Variants in KLK12 observed in about 807,000 individuals in gnomAD.
The protein encoded by KLK12 is kallikrein-12.
In KLK12, 23 loss-of-function variants were observed where a neutral mutation model predicts 20.0. The ratio of observed to expected loss-of-function variants is 1.15; its 90% CI spans 0.83 to 1.63. KLK12 has a LOEUF of 1.63. KLK12 is among the 40% of genes most tolerant of loss of function. The pLI is 0.00. For synonymous variants in KLK12, 147 were observed against 141.9 expected (o/e 1.04, Z -0.25); for missense variants, 351 against 338.6 (o/e 1.04, Z -0.29).
At chr19:51,031,222 A>G (rs1440520282) in intron 4 of KLK12, among the ~76,000 whole-genome samples, 1 of 152,094 alleles carries the variant, frequency 6.6e-6, no homozygotes, top group Non-Finnish European at 1.5e-5. Context: ...AATGCCAGCT[A>G]CTGTGATCTT....
chr19:51,029,825 G>A (rs760314882), intron 5 of KLK12, among the ~76,000 whole-genome samples: 13 of 152,124 alleles, frequency 8.5e-5, no homozygotes, highest in Non-Finnish European at 1.3e-4. Context: ...CTGGGGCCCT[G>A]ACCAATGAGG....
chr19:51,030,894 A>C lies in KLK12; in HGVS notation c.485T>G (p.Leu162Arg), dbSNP rs1263827760. The C allele has an allele frequency of 6.2e-7, 1 of 1,614,032 alleles. No homozygotes were observed. The highest frequency in any genetic ancestry group is 1.3e-5 in the African/African-American group (1 of 74,964). Residue 162 changes from leucine (L) to arginine (R), a missense_variant, in exon 5 of 6, where the codon CTC becomes CGC. Leu to Arg is a moderately radical substitution (Grantham distance 102). Coordinates refer to ENST00000684732, the MANE Select transcript of KLK12 (RefSeq NM_001370125.1). ...GGCATGGGAGACGATGGAGAGGTTG[A>C]GGCACTGGAGCAGATCCGGGAATGG... is the stretch of plus-strand genomic sequence containing the variant. Reference protein sequence around the residue: ...RNPFPDLLQCLNLSIVSHATC... With the variant: ...RNPFPDLLQCRNLSIVSHATC...
chr19:51,030,689 C>T, intron 5 of KLK12, 99 bp downstream of exon 5: 1 of 1,526,164 alleles, frequency 6.6e-7, no homozygotes. Flanking sequence ...GCAGCATCCC[C>T]TTTCCCTGAT....
At chr19:51,034,453 A>G (rs769616409) in intron 2 of KLK12, 132 bp downstream of exon 2, 1 of 1,501,166 alleles carries the variant, frequency 6.7e-7, no homozygotes, top group Admixed American at 2.2e-5. Context: ...ATGGAGGCAC[A>G]GAGAAAGCCC....
At chr19:51,034,313 C>T (rs1177694330) in intron 2 of KLK12, 174 bp from the exon 3 acceptor site, 1 of 1,130,950 alleles carries the variant, frequency 8.8e-7, no homozygotes, top group African/African-American at 1.6e-5. Flanking sequence ...ACATCAAAGA[C>T]ACCCAGGGAG....
At position 51,031,966 on chromosome 19, in the gene KLK12, T is replaced by C; in HGVS notation, c.367A>G (p.Ser123Gly). 6.2e-7 allele frequency: 1 copy of C among 1,613,390 alleles called. No individual in the cohort carries two copies. Among genetic ancestry groups the C allele is most frequent in the Non-Finnish European group, 8.5e-7 (1 of 1,179,732 alleles). ...RLRLPVRVTS[S>G]VQPLPLPNDC... ...TTGGGCAGGGGCAGGGGTTGAACGCTGCTGGTTACGCGGACGGGCAGGCGC... is the reference window on the plus strand; with the variant it reads ...TTGGGCAGGGGCAGGGGTTGAACGCCGCTGGTTACGCGGACGGGCAGGCGC... Residue 123 changes from serine to glycine, a missense_variant, in exon 4 of 6, where the codon AGC (serine) becomes GGC (glycine). Transcript: ENST00000684732.
chr19:51,030,462 G>A (rs2091544812), intron 5 of KLK12, among the ~76,000 whole-genome samples: 1 of 151,752 alleles, frequency 6.6e-6, no homozygotes, highest in Admixed American at 6.6e-5. Flanking sequence ...CGATTCTCCT[G>A]CCTCAGCCTT....
Position 51,029,122 on chromosome 19 carries a change from T to C in KLK12, c.*180A>G. The C allele has an allele frequency of 6.2e-7, 1 of 1,606,050 alleles. No individual in the cohort carries two copies. Among genetic ancestry groups the C allele is most frequent in the South Asian group, 1.1e-5 (1 of 90,912 alleles). ...TCCTTCATTTATATTTATTCCAGAC[T>C]ATTGCACACTTCTCTCACCCCGCTC... On this transcript the variant is annotated 3_prime_UTR_variant, in exon 6 of 6. Coordinates refer to ENST00000684732, the MANE Select transcript of KLK12 (RefSeq NM_001370125.1).
intron 2 of KLK12, 97 bp from the exon 3 acceptor site, chr19:51,034,236 G>A: frequency 7.3e-7 from 1 of 1,371,306 alleles, no homozygotes; most frequent in Non-Finnish European, 1.0e-6. Flanking sequence ...AGGAGAGAGA[G>A]AGGAGAAAGA....
At chr19:51,033,380 C>A (rs758367402) in intron 3 of KLK12, among the ~76,000 whole-genome samples, 1 of 151,916 alleles carries the variant, frequency 6.6e-6, no homozygotes, top group Non-Finnish European at 1.5e-5. Flanking sequence ...CTTTGGGAGG[C>A]CAAGACGGGC....
In KLK12 at chr19:51,034,092, C is replaced by T; in HGVS notation, c.85G>A (p.Gly29Arg). ...TPKIFNGTEC[G>R]RNSQPWQVGL... ...ACCTGCCACGGCTGTGAGTTACGCC[C>T]ACACTCAGTGCCATTGAAAATCTTC... Residue 29 changes from glycine to arginine, a missense_variant, in exon 3 of 6, where the codon GGG becomes AGG. Transcript: ENST00000684732. 1 of 1,564,544 alleles carries T rather than the reference C, an allele frequency of 6.4e-7. No individual in the cohort carries two copies. The highest frequency in any genetic ancestry group is 8.7e-7 in the Non-Finnish European group (1 of 1,153,802).
chr19:51,032,028 G>T lies in KLK12; in HGVS notation c.305C>A (p.Ser102Ter). ...SVTHPGYLGA[S>*]TSHEHDLRLL... ...CCGGAGGTCGTGCTCGTGGCTCGTC[G>T]AGGCTCCCAGGTAGCCGGGATGGGT... is the stretch of plus-strand genomic sequence containing the variant. The change falls in exon 4 of 6, where the codon TCG becomes TAG. Residue 102 changes from serine to a stop codon, truncating the protein, a stop_gained. Transcript: ENST00000684732. LOFTEE classifies it high-confidence loss of function. The T allele has an allele frequency of 6.2e-7, 1 of 1,608,750 alleles. No homozygotes were observed.
In KLK12 at chr19:51,034,143, GAGAC is replaced by G. The variant is rs1460047064; in HGVS notation, c.38-8_38-5del. 41 of 1,551,948 alleles carry G rather than the reference GAGAC, an allele frequency of 2.6e-5. No homozygotes were observed. The East Asian group carries it at 6.1e-4, about 23-fold the overall frequency. On this transcript the variant is annotated splice_region_variant and splice_polypyrimidine_tract_variant and intron_variant, in intron 2 of 5. Transcript: ENST00000684732. ...GGTGTGGCTGCCTGGCTGAGCCCTG[GAGAC>G]AGACAGGGGCATGGGTCAGAGAGAG...
chr19:51,029,553 C>T lies in KLK12; in HGVS notation c.592-96G>A, dbSNP rs1333072627. ...ACCCAGTCCTGGGCCTTGGGGAGGGCTCCAAGTCTGGTCATTAGACAAAAG... is the reference window on the plus strand; with the variant it reads ...ACCCAGTCCTGGGCCTTGGGGAGGGTTCCAAGTCTGGTCATTAGACAAAAG... On this transcript the variant is annotated intron_variant, in intron 5 of 5. Transcript: ENST00000684732. 2.4e-5 allele frequency: 24 copies of T among 1,004,752 alleles called. No individual in the cohort carries two copies. The South Asian group carries it at 2.9e-4, about 12-fold the overall frequency. The allele number at this position is 1,004,752 out of a possible 1,614,324, so 62.2% of individuals were successfully genotyped here.
chr19:51,031,890 G>A lies in KLK12; in HGVS notation c.443C>T (p.Thr148Ile), dbSNP rs1202769996. The A allele has an allele frequency of 1.2e-6, 2 of 1,613,540 alleles. No homozygotes were observed. Among genetic ancestry groups the A allele is most frequent in the Non-Finnish European group, 1.7e-6 (2 of 1,179,900 alleles). Residue 148 changes from threonine to isoleucine, a missense_variant, in exon 4 of 6, where the codon ACC (threonine) becomes ATC (isoleucine). Thr to Ile is a moderately conservative substitution (Grantham distance 89). Transcript: ENST00000684732. ...TECHVSGWGI[T>I]NHPRNPFPDL... is the part of the protein sequence containing the mutation. ...GGGCCCCTTACTCCGTGGGTGGTTGGTGATGCCCCAGCCTGAGACGTGGCA... is the reference window on the plus strand; with the variant it reads ...GGGCCCCTTACTCCGTGGGTGGTTGATGATGCCCCAGCCTGAGACGTGGCA...
At chr19:51,034,228 G>A (rs893175032) in intron 2 of KLK12, 89 bp from the exon 3 acceptor site, 35 of 1,385,262 alleles carry the variant, frequency 2.5e-5, no homozygotes, top group Non-Finnish European at 3.4e-5. Context: ...AAACAGGCAG[G>A]AGAGAGAGAG....
chr19:51,031,407 C>T (rs1246453414), intron 4 of KLK12, among the ~76,000 whole-genome samples: 2 of 151,836 alleles, frequency 1.3e-5, no homozygotes, highest in Non-Finnish European at 2.9e-5. Context: ...GCCTCCATGA[C>T]CCCAAACTTC....
intron 4 of KLK12, among the ~76,000 whole-genome samples, chr19:51,031,595 CAT>C (rs1555789322): frequency 3.3e-4 from 40 of 120,252 alleles, no homozygotes; most frequent in African/African-American, 4.1e-4. Context: ...CCTATACATA[CAT>C]ATATATATAT....
intron 3 of KLK12, among the ~76,000 whole-genome samples, chr19:51,032,714 A>G (rs773722713): frequency 1.3e-5 from 2 of 151,918 alleles, no homozygotes; most frequent in Non-Finnish European, 2.9e-5. Flanking sequence ...CGGCTGGTGA[A>G]GCCCATGAAG....
Sources: allele counts gnomAD v4.1 joint callset (sites outside exome capture counted in the v4.1 genomes callset), GRCh38; gene constraint gnomAD v4.1.1; transcripts MANE v1.5; gene names NCBI Gene and HGNC (gene_info 2026-07-23, HGNC 2026-07-21).